Variants in GBE1 observed in about 807,000 individuals in gnomAD.
The protein encoded by GBE1 is 1,4-alpha-glucan branching enzyme 1.
GBE1 carries 70 observed loss-of-function variants against 88.8 expected under a neutral mutation model. That is an observed-to-expected ratio of 0.79 (90% CI 0.65 to 0.96). The LOEUF is 0.96. Ranked by LOEUF, GBE1 falls within the 40% of genes least tolerant of loss-of-function variation. GBE1 has a pLI of 0.00. For synonymous variants in GBE1, 284 were observed against 300.1 expected, an observed-to-expected ratio of 0.95 and a Z score of 0.56; for missense variants, 872 against 871.0, an observed-to-expected ratio of 1.00 and a Z score of -0.01.
chr3:81,594,406 G>C (rs868011263), intron 7 of GBE1, among the ~76,000 whole-genome samples: 23 of 152,110 alleles, frequency 1.5e-4, no homozygotes, highest in Middle Eastern at 6.8e-3. Context: ...ACCAGTCCCT[G>C]AATTTTTAAA....
At chr3:81,602,828 C>T (rs1367510268) in intron 7 of GBE1, among the ~76,000 whole-genome samples, 3 of 152,178 alleles carry the variant, frequency 2.0e-5, no homozygotes. Context: ...AATCACATTT[C>T]TCCAGAATTT....
chr3:81,523,354 A>G (rs938065279), intron 14 of GBE1, among the ~76,000 whole-genome samples: 1 of 151,424 alleles, frequency 6.6e-6, no homozygotes, highest in Non-Finnish European at 1.5e-5. Context: ...TTAAATTTAA[A>G]ATTGTTATGG....
At chr3:81,492,342 C>G (rs1702447618) in intron 15 of GBE1, among the ~76,000 whole-genome samples, 1 of 152,124 alleles carries the variant, frequency 6.6e-6, no homozygotes, top group Non-Finnish European at 1.5e-5. Context: ...GAGACTGATT[C>G]AATAAAAGGA....
At chr3:81,683,188 C>T (rs1364280988) in intron 2 of GBE1, among the ~76,000 whole-genome samples, 1 of 152,070 alleles carries the variant, frequency 6.6e-6, no homozygotes, top group Non-Finnish European at 1.5e-5. Context: ...TTTTATTATA[C>T]TAAAAACCAT....
chr3:81,720,035 A>G (rs1482239739), intron 1 of GBE1, among the ~76,000 whole-genome samples: 1 of 152,070 alleles, frequency 6.6e-6, no homozygotes, highest in Non-Finnish European at 1.5e-5. Flanking sequence ...ATCTCAGGAG[A>G]TATATATATT....
rs546617459 is a variant in GBE1 at position 81,552,288 on chromosome 3, C to T, written c.1619-15193G>A. Reference sequence around the variant, plus strand: ...ATCCCTGCACTTTGGGAGGCCAAGGCGGGTAGATTACCTGAGGTCAGGAAC... The same window carrying T: ...ATCCCTGCACTTTGGGAGGCCAAGGTGGGTAGATTACCTGAGGTCAGGAAC... On this transcript the variant is annotated intron_variant, in intron 12 of 15. Coordinates refer to ENST00000429644, the MANE Select transcript of GBE1 (RefSeq NM_000158.4). Among the ~76,000 whole-genome samples the T allele has an allele frequency of 2.8e-4, 42 of 152,204 alleles. No homozygotes were observed. The South Asian group carries it at 7.7e-3, about 28-fold the overall frequency.
rs141006790 is a variant in GBE1 at position 81,513,911 on chromosome 3, T to G, written c.1935-14684A>C. 3.4e-4 allele frequency among the ~76,000 whole-genome samples: 51 copies of G among 151,760 alleles called. No individual in the cohort carries two copies. In the East Asian group the frequency reaches 8.9e-3, roughly 27 times the overall value. ...GCAGAGATGGAACTTGAACCTCAGA[T>G]AGTCAATATTCTAGAGCTCAAGCTA... On this transcript the variant is annotated intron_variant, in intron 14 of 15. Transcript: ENST00000429644.
intron 14 of GBE1, chr3:81,509,341 G>A (rs1220358652): frequency 6.9e-6 from 1 of 144,844 alleles, no homozygotes; most frequent in Admixed American, 7.0e-5. Flanking sequence ...TCAAGTTTAT[G>A]AGAAATACTG....
intron 3 of GBE1, among the ~76,000 whole-genome samples, chr3:81,664,718 C>T (rs1318168637): frequency 6.6e-6 from 1 of 152,132 alleles, no homozygotes; most frequent in Non-Finnish European, 1.5e-5. Flanking sequence ...CAGATATTTG[C>T]AAAAATCACC....
intron 14 of GBE1, among the ~76,000 whole-genome samples, chr3:81,510,098 G>A (rs1483642760): frequency 6.6e-6 from 1 of 151,974 alleles, no homozygotes; most frequent in African/African-American, 2.4e-5. Flanking sequence ...TTACTGGTTA[G>A]CTTTCTCTAT....
intron 12 of GBE1, among the ~76,000 whole-genome samples, chr3:81,553,053 A>G (rs1231993770): frequency 3.9e-5 from 6 of 152,244 alleles, no homozygotes. Flanking sequence ...GGCACTAAGT[A>G]CATGATTTGA....
At chr3:81,600,104 T>A (rs1704011835) in intron 7 of GBE1, among the ~76,000 whole-genome samples, 1 of 151,964 alleles carries the variant, frequency 6.6e-6, no homozygotes, top group African/African-American at 2.4e-5. Flanking sequence ...AAACCCCATA[T>A]ACAAAATTTA....
chr3:81,717,147 C>G (rs891583338), intron 1 of GBE1, among the ~76,000 whole-genome samples: 10 of 152,180 alleles, frequency 6.6e-5, no homozygotes, highest in Admixed American at 5.9e-4. Flanking sequence ...AGTTTATTTT[C>G]TCTTGTGTAA....
chr3:81,658,297 G>A (rs968786760), intron 3 of GBE1, among the ~76,000 whole-genome samples: 1 of 151,986 alleles, frequency 6.6e-6, no homozygotes, highest in South Asian at 2.1e-4. Context: ...ACAAATGAGT[G>A]TCAGACCAGT....
At chr3:81,750,595 ATATATGTG>A (rs1559708604) in intron 1 of GBE1, among the ~76,000 whole-genome samples, 9 of 40,694 alleles carry the variant, frequency 2.2e-4, no homozygotes, top group South Asian at 5.4e-4. Flanking sequence ...ATACGTATAT[ATATATGTG>A]TATATATATA....
At chr3:81,525,762 A>C (rs1307523374) in intron 14 of GBE1, among the ~76,000 whole-genome samples, 1 of 151,916 alleles carries the variant, frequency 6.6e-6, no homozygotes, top group African/African-American at 2.4e-5. Flanking sequence ...TAGTCTTGGG[A>C]GAGTGTATGT....
At chr3:81,760,425 G>T (rs1706663290) in intron 1 of GBE1, among the ~76,000 whole-genome samples, 1 of 152,134 alleles carries the variant, frequency 6.6e-6, no homozygotes, top group Non-Finnish European at 1.5e-5. Flanking sequence ...CTAGTTGGAT[G>T]TTTTCCATCA....
At chr3:81,729,231 A>C (rs115355731) in intron 1 of GBE1, among the ~76,000 whole-genome samples, 190 of 152,246 alleles carry the variant, frequency 1.2e-3, no homozygotes, top group Non-Finnish European at 2.3e-3. Context: ...CTACCCAAAC[A>C]AGTGACTTGA....
intron 2 of GBE1, among the ~76,000 whole-genome samples, chr3:81,699,026 T>A (rs1279227103): frequency 2.6e-5 from 4 of 151,314 alleles, no homozygotes; most frequent in South Asian, 2.1e-4. Flanking sequence ...AGAGGTCACT[T>A]CTCAGCATAG....
Sources: allele counts gnomAD v4.1 joint callset (sites outside exome capture counted in the v4.1 genomes callset), GRCh38; gene constraint gnomAD v4.1.1; transcripts MANE v1.5; gene names NCBI Gene and HGNC (gene_info 2026-07-23, HGNC 2026-07-21).